SUPT3H: variants seen among roughly 807,000 people sequenced by gnomAD.
SUPT3H encodes transcription initiation protein SPT3 homolog.
Under a neutral mutation model 44.3 loss-of-function variants are expected in SUPT3H, and 44 were observed. That is an observed-to-expected ratio of 0.99 (90% CI 0.78 to 1.28). The LOEUF is 1.28. SUPT3H is among the 50% of genes most tolerant of loss of function. The pLI is 0.00. For missense variants in SUPT3H, 380 were observed against 387.1 expected (o/e 0.98, Z 0.15); for synonymous variants, 124 against 125.6 (o/e 0.99, Z 0.09).
chr6:45,158,298 A>ATATATATATATATATATATATATT, intron 2 of SUPT3H, among the ~76,000 whole-genome samples: 4 of 99,688 alleles, frequency 4.0e-5, no homozygotes, highest in African/African-American at 2.0e-4. Context: ...ATATATATAT[A>ATATATATATATATATATATATATT]TTTTTTTTTT....
chr6:45,278,015 C>T (rs1380248156), intron 2 of SUPT3H, among the ~76,000 whole-genome samples: 1 of 151,758 alleles, frequency 6.6e-6, no homozygotes, highest in Non-Finnish European at 1.5e-5. Context: ...TCTCAGCAAA[C>T]TAACACAGGA....
intron 2 of SUPT3H, among the ~76,000 whole-genome samples, chr6:45,272,612 T>A (rs1776371539): frequency 6.6e-6 from 1 of 152,090 alleles, no homozygotes; most frequent in Non-Finnish European, 1.5e-5. Flanking sequence ...GAAAAAGAAG[T>A]CAGAAGAAGC....
chr6:45,295,544 A>AC (rs1369411195), intron 2 of SUPT3H, among the ~76,000 whole-genome samples: 6 of 149,150 alleles, frequency 4.0e-5, no homozygotes, highest in African/African-American at 1.5e-4. Flanking sequence ...AAAAAAAAAA[A>AC]AAAAAAAAAA....
intron 2 of SUPT3H, among the ~76,000 whole-genome samples, chr6:45,357,076 G>T (rs1364611706): frequency 6.6e-6 from 1 of 151,926 alleles, no homozygotes; most frequent in Non-Finnish European, 1.5e-5. Context: ...GCACGATCTC[G>T]GCTCACTGCA....
At chr6:45,285,729 A>T (rs1362257449) in intron 2 of SUPT3H, among the ~76,000 whole-genome samples, 3 of 152,150 alleles carry the variant, frequency 2.0e-5, no homozygotes, top group Non-Finnish European at 4.4e-5. Flanking sequence ...TCTTCACAGA[A>T]TTGGAAAAAA....
At position 45,333,483 on chromosome 6, in the gene SUPT3H, T is replaced by C. The variant is rs1016648799; in HGVS notation, c.101+31718A>G. Among the ~76,000 whole-genome samples the C allele has an allele frequency of 3.3e-5, 5 of 151,562 alleles. No homozygotes were observed. In the South Asian group the frequency reaches 1.0e-3, roughly 31 times the overall value. On this transcript the variant is annotated intron_variant, in intron 2 of 10. Coordinates refer to ENST00000371459, the MANE Select transcript of SUPT3H (RefSeq NM_003599.4). ...CCCTTTATACTATTTATTAAGGGCATAGGACTCAAGATTTGGAACAGTGTT... is the reference window on the plus strand; with the variant it reads ...CCCTTTATACTATTTATTAAGGGCACAGGACTCAAGATTTGGAACAGTGTT...
chr6:45,319,587 A>G (rs541634317), intron 2 of SUPT3H, among the ~76,000 whole-genome samples: 14 of 152,288 alleles, frequency 9.2e-5, no homozygotes, highest in African/African-American at 3.4e-4. Context: ...AATACATAAA[A>G]TATTACTTTT....
At chr6:45,219,704 T>C (rs772499452) in intron 2 of SUPT3H, among the ~76,000 whole-genome samples, 1 of 152,110 alleles carries the variant, frequency 6.6e-6, no homozygotes, top group Non-Finnish European at 1.5e-5. Context: ...GAATTCAAAA[T>C]TCTCTAGGCC....
chr6:45,279,537 C>G lies in SUPT3H; in HGVS notation c.101+85664G>C, dbSNP rs145856541. ...TTTTAAAAATGTGTAGCACCTCCCC[C>G]CTTTCTGAATTGCTCCTGCTCCTGC... On this transcript the variant is annotated intron_variant, in intron 2 of 10. Coordinates refer to ENST00000371459, the MANE Select transcript of SUPT3H (RefSeq NM_003599.4). 2.4e-3 allele frequency among the ~76,000 whole-genome samples: 359 copies of G among 152,218 alleles called. 1 individual carries two copies. Among genetic ancestry groups the G allele is most frequent in the African/African-American group, 6.6e-3 (272 of 41,526 alleles).
At chr6:45,278,850 T>C (rs1484595663) in intron 2 of SUPT3H, among the ~76,000 whole-genome samples, 1 of 152,148 alleles carries the variant, frequency 6.6e-6, no homozygotes, top group Admixed American at 6.5e-5. Flanking sequence ...CACTGCAAAT[T>C]ATTCATGAAT....
chr6:45,323,986 A>G (rs1386937071), intron 2 of SUPT3H, among the ~76,000 whole-genome samples: 2 of 152,242 alleles, frequency 1.3e-5, no homozygotes, highest in East Asian at 3.9e-4. Flanking sequence ...CATGTTTGAT[A>G]TAAATTATAT....
intron 2 of SUPT3H, among the ~76,000 whole-genome samples, chr6:45,311,242 T>C (rs1230914822): frequency 6.6e-6 from 1 of 152,106 alleles, no homozygotes; most frequent in South Asian, 2.1e-4. Flanking sequence ...AACAGAATAA[T>C]ATGAACAAAC....
chr6:44,959,585 A>T (rs1463328826), intron 7 of SUPT3H, among the ~76,000 whole-genome samples: 2 of 152,110 alleles, frequency 1.3e-5, no homozygotes, highest in African/African-American at 4.8e-5. Flanking sequence ...ATTATAAATT[A>T]TTCTTTATGA....
chr6:45,186,314 C>T (rs73735303), intron 2 of SUPT3H, among the ~76,000 whole-genome samples: 2 of 152,040 alleles, frequency 1.3e-5, no homozygotes, highest in African/African-American at 4.8e-5. Flanking sequence ...AAACAACCAA[C>T]AGATGTCAAA....
At chr6:44,906,726 C>T (rs1371782282) in intron 10 of SUPT3H, among the ~76,000 whole-genome samples, 1 of 152,182 alleles carries the variant, frequency 6.6e-6, no homozygotes, top group Admixed American at 6.5e-5. Context: ...TGCGCCACTG[C>T]ACTCCAACCT....
intron 10 of SUPT3H, among the ~76,000 whole-genome samples, chr6:44,897,734 C>T (rs184542631): frequency 7.9e-5 from 12 of 152,246 alleles, no homozygotes; most frequent in Non-Finnish European, 1.5e-4. Flanking sequence ...GCAAAGGTGA[C>T]CCAGACCCTG....
intron 2 of SUPT3H, among the ~76,000 whole-genome samples, chr6:45,190,605 A>G (rs112854305): frequency 4.4e-4 from 67 of 152,288 alleles, no homozygotes; most frequent in Middle Eastern, 3.4e-3. Flanking sequence ...GAAAACGTAG[A>G]TAGTTTATAA....
In SUPT3H at chr6:45,106,038, AG is replaced by A. The variant is rs775053081; in HGVS notation, c.102-33del. ...AATAATTTTAAACACACCAATATTAAGGACTATAAAACTAAGAAAGGCAAAA... is the reference window on the plus strand; with the variant it reads ...AATAATTTTAAACACACCAATATTAAGACTATAAAACTAAGAAAGGCAAAA... On this transcript the variant is annotated intron_variant, in intron 2 of 10. Transcript: ENST00000371459. 3.9e-6 allele frequency: 6 copies of A among 1,550,608 alleles called. No individual in the cohort carries two copies. In the South Asian group the frequency reaches 6.7e-5, roughly 17 times the overall value.
intron 2 of SUPT3H, among the ~76,000 whole-genome samples, chr6:45,320,125 TAAC>T (rs1785254599): frequency 6.6e-6 from 1 of 152,156 alleles, no homozygotes; most frequent in African/African-American, 2.4e-5. Context: ...ATCTTTCACG[TAAC>T]AATATTATTA....
Sources: allele counts gnomAD v4.1 joint callset (sites outside exome capture counted in the v4.1 genomes callset), GRCh38; gene constraint gnomAD v4.1.1; transcripts MANE v1.5; gene names NCBI Gene and HGNC (gene_info 2026-07-23, HGNC 2026-07-21).